Variants in C4orf17 observed in about 807,000 individuals in gnomAD.
The protein encoded by C4orf17 is chromosome 4 open reading frame 17, also known as uncharacterized protein C4orf17.
A neutral mutation model predicts 32.0 loss-of-function variants in C4orf17; 25 were observed. The ratio of observed to expected loss-of-function variants is 0.78; its 90% CI spans 0.57 to 1.09. The LOEUF (loss-of-function observed/expected upper bound fraction) is 1.09, where lower values mean the gene tolerates loss of function less well. Among genes scored for constraint, C4orf17 ranks in the 50% least tolerant of loss-of-function variants. The pLI is 0.00. For synonymous variants in C4orf17, 149 were observed against 145.8 expected (o/e 1.02, Z -0.16); for missense variants, 420 against 420.0 (o/e 1.00, Z 0.00).
intron 5 of C4orf17, 95 bp downstream of exon 5, chr4:99,530,053 C>G (rs1387750961): frequency 1.1e-6 from 1 of 925,732 alleles, no homozygotes; most frequent in East Asian, 2.8e-5. Context: ...TTAAATGATT[C>G]CTTACTGATA....
chr4:99,522,992 T>C (rs1046911752), intron 3 of C4orf17, among the ~76,000 whole-genome samples: 2 of 152,172 alleles, frequency 1.3e-5, no homozygotes, highest in Non-Finnish European at 2.9e-5. Context: ...ATGCCAGAAA[T>C]GAATGTTGTT....
chr4:99,514,674 A>G (rs1236689556), intron 2 of C4orf17, among the ~76,000 whole-genome samples: 1 of 152,228 alleles, frequency 6.6e-6, no homozygotes, highest in Admixed American at 6.5e-5. Context: ...CTAGTGTACA[A>G]CCACTGTGGA....
At chr4:99,523,651 G>A (rs982786826) in intron 3 of C4orf17, among the ~76,000 whole-genome samples, 2 of 152,158 alleles carry the variant, frequency 1.3e-5, no homozygotes, top group Non-Finnish European at 2.9e-5. Context: ...GGGATCAGGT[G>A]TCACCACCTA....
intron 2 of C4orf17, among the ~76,000 whole-genome samples, chr4:99,518,502 A>AT (rs1723224346): frequency 1.5e-5 from 1 of 66,274 alleles, no homozygotes; most frequent in Non-Finnish European, 2.6e-5. Flanking sequence ...AAAAAAAAAA[A>AT]AAAAAAAAAA....
intron 2 of C4orf17, among the ~76,000 whole-genome samples, chr4:99,520,452 C>T (rs1723267491): frequency 6.6e-6 from 1 of 152,158 alleles, no homozygotes; most frequent in Non-Finnish European, 1.5e-5. Flanking sequence ...AATAGTATTA[C>T]ATTGAAGAAT....
At chr4:99,516,278 G>A (rs1313183186) in intron 2 of C4orf17, among the ~76,000 whole-genome samples, 1 of 152,148 alleles carries the variant, frequency 6.6e-6, no homozygotes, top group Non-Finnish European at 1.5e-5. Flanking sequence ...CAATTCAGTG[G>A]TATACATACT....
chr4:99,525,674 A>G (rs556776082), intron 4 of C4orf17, among the ~76,000 whole-genome samples: 37 of 152,070 alleles, frequency 2.4e-4, no homozygotes, highest in Non-Finnish European at 4.6e-4. Context: ...ACGCGCCTGT[A>G]GTCCCAGCTA....
intron 2 of C4orf17, among the ~76,000 whole-genome samples, 165 bp downstream of exon 2, chr4:99,513,373 G>A (rs1230272401): frequency 6.6e-6 from 1 of 152,308 alleles, no homozygotes; most frequent in East Asian, 1.9e-4. Context: ...GAGAGCAGAG[G>A]CCTGGAGTGA....
At chr4:99,540,745 C>G (rs1723639669) in intron 8 of C4orf17, 1 of 235,446 alleles carries the variant, frequency 4.2e-6, no homozygotes, top group Non-Finnish European at 8.2e-6. Context: ...AAAGGGAAAC[C>G]CTGCATTGAC....
intron 2 of C4orf17, among the ~76,000 whole-genome samples, chr4:99,513,884 AG>A (rs1347084581): frequency 2.0e-5 from 3 of 152,178 alleles, no homozygotes; most frequent in Non-Finnish European, 4.4e-5. Flanking sequence ...CAAAGAGAAA[AG>A]GGTTCTGATG....
At chr4:99,523,435 T>TA (rs1560587241) in intron 3 of C4orf17, among the ~76,000 whole-genome samples, 1 of 152,192 alleles carries the variant, frequency 6.6e-6, no homozygotes, top group Non-Finnish European at 1.5e-5. Context: ...GAGTGGTCAA[T>TA]TATAGAGTAC....
At chr4:99,529,036 G>A (rs994164622) in intron 4 of C4orf17, among the ~76,000 whole-genome samples, 1 of 152,102 alleles carries the variant, frequency 6.6e-6, no homozygotes, top group Non-Finnish European at 1.5e-5. Context: ...CTTAAAAAAA[G>A]AATGCCTCAA....
At chr4:99,514,719 T>A (rs1723149544) in intron 2 of C4orf17, among the ~76,000 whole-genome samples, 1 of 152,144 alleles carries the variant, frequency 6.6e-6, no homozygotes, top group African/African-American at 2.4e-5. Flanking sequence ...GAATTAAAGG[T>A]AGAACTGCCA....
At position 99,522,653 on chromosome 4, in the gene C4orf17, T is replaced by C. The variant is rs199510842; in HGVS notation, c.281T>C (p.Val94Ala). 5.1e-5 allele frequency: 82 copies of C among 1,613,944 alleles called. No homozygotes were observed. The highest frequency in any genetic ancestry group is 6.4e-5 in the Non-Finnish European group (75 of 1,179,990). The change falls in exon 3 of 9, where the codon GTA (valine) becomes GCA (alanine). Residue 94 changes from valine to alanine, a missense_variant. Physicochemically the swap from Val to Ala is moderately conservative, Grantham distance 64. Coordinates refer to ENST00000326581, the MANE Select transcript of C4orf17 (RefSeq NM_032149.3). The part of the protein sequence containing the change: ...PSSTAVQESP[V>A]RGMSPAPNGA... ...AGCACTGCAGTCCAGGAGAGCCCTG[T>C]AAGAGGAATGTCGCCAGCCCCAAAC...
At chr4:99,522,831 A>G in intron 3 of C4orf17, 122 bp downstream of exon 3, 1 of 722,412 alleles carries the variant, frequency 1.4e-6, no homozygotes, top group Non-Finnish European at 2.3e-6. Flanking sequence ...CACTGTGAGG[A>G]ACATAAATTT....
At chr4:99,516,517 A>T (rs1723183873) in intron 2 of C4orf17, among the ~76,000 whole-genome samples, 1 of 152,250 alleles carries the variant, frequency 6.6e-6, no homozygotes, top group Non-Finnish European at 1.5e-5. Flanking sequence ...CAATGAAAAT[A>T]TAGCGAAGAG....
rs183098428 is a variant in C4orf17, at chr4:99,522,301, A to G, written c.128-199A>G. 5.3e-3 allele frequency among the ~76,000 whole-genome samples: 811 copies of G among 152,220 alleles called. 8 individuals carry two copies. Among genetic ancestry groups the G allele is most frequent in the African/African-American group, 0.018 (763 of 41,500 alleles). On this transcript the variant is annotated intron_variant, in intron 2 of 8. Transcript: ENST00000326581. ...ATTTTAAGGAAGCATGTAATTGGCCACACTGACTTTCAAAGAATGTCTACC... is the reference window on the plus strand; with the variant it reads ...ATTTTAAGGAAGCATGTAATTGGCCGCACTGACTTTCAAAGAATGTCTACC...
chr4:99,539,282 A>G lies in C4orf17; in HGVS notation c.748A>G (p.Lys250Glu). The G allele has an allele frequency of 6.2e-7, 1 of 1,614,110 alleles. No individual in the cohort carries two copies. Among genetic ancestry groups the G allele is most frequent in the Non-Finnish European group, 8.5e-7 (1 of 1,179,956 alleles). Reference protein sequence around the residue: ...AAETGKPPTVKSPPTVKLPPN... With the variant: ...AAETGKPPTVESPPTVKLPPN... ...AGAGACTGGGAAGCCACCCACAGTT[A>G]AATCACCACCCACAGTTAAATTGCC... Residue 250 changes from lysine (K) to glutamate (E), a missense_variant, in exon 7 of 9, where the codon AAA becomes GAA. By Grantham distance (56) the Lys-to-Glu change is moderately conservative. Coordinates refer to ENST00000326581, the MANE Select transcript of C4orf17 (RefSeq NM_032149.3).
chr4:99,513,552 A>G (rs1215261121), intron 2 of C4orf17, among the ~76,000 whole-genome samples: 1 of 152,150 alleles, frequency 6.6e-6, no homozygotes, highest in Non-Finnish European at 1.5e-5. Flanking sequence ...TATTTTAACA[A>G]TCCACACATC....
Sources: allele counts gnomAD v4.1 joint callset (sites outside exome capture counted in the v4.1 genomes callset), GRCh38; gene constraint gnomAD v4.1.1; transcripts MANE v1.5; gene names NCBI Gene and HGNC (gene_info 2026-07-23, HGNC 2026-07-21).